Variants in STAG1 observed in about 807,000 individuals in gnomAD.
The protein encoded by STAG1 is STAG1 cohesin complex component, also known as cohesin subunit SA-1.
Under a neutral mutation model 170.9 loss-of-function variants are expected in STAG1, and 26 were observed. The ratio of observed to expected loss-of-function variants is 0.15; its 90% CI spans 0.11 to 0.21. The LOEUF is 0.21. Among genes scored for constraint, STAG1 ranks in the 10% least tolerant of loss-of-function variants. STAG1 has a pLI of 1.00. For synonymous variants in STAG1, 514 were observed against 497.7 expected, an observed-to-expected ratio of 1.03 and a Z score of -0.44; for missense variants, 964 against 1,509.5, an observed-to-expected ratio of 0.64 and a Z score of 5.99.
chr3:136,610,647 T>A (rs1175296500), intron 3 of STAG1, among the ~76,000 whole-genome samples: 1 of 151,532 alleles, frequency 6.6e-6, no homozygotes, highest in African/African-American at 2.4e-5. Context: ...AATTACAAAC[T>A]TTTTTTTTAG....
chr3:136,350,530 G>A (rs77541628), intron 28 of STAG1, among the ~76,000 whole-genome samples: 2 of 152,232 alleles, frequency 1.3e-5, no homozygotes, highest in East Asian at 3.9e-4. Flanking sequence ...ACTCCCTGTC[G>A]AGAGATTCCA....
chr3:136,581,182 T>C (rs1331166004), intron 4 of STAG1, among the ~76,000 whole-genome samples: 5 of 152,236 alleles, frequency 3.3e-5, no homozygotes, highest in Non-Finnish European at 7.3e-5. Flanking sequence ...GTTATGTTAT[T>C]GATACACTTA....
intron 2 of STAG1, among the ~76,000 whole-genome samples, chr3:136,625,114 A>G (rs1940038713): frequency 1.3e-5 from 2 of 152,246 alleles, no homozygotes; most frequent in African/African-American, 4.8e-5. Flanking sequence ...TTTAGACAGC[A>G]TGAACAAGAA....
At chr3:136,562,230 A>T (rs879350574) in intron 5 of STAG1, among the ~76,000 whole-genome samples, 5 of 152,008 alleles carry the variant, frequency 3.3e-5, no homozygotes, top group Non-Finnish European at 7.4e-5. Flanking sequence ...ACATTTCTTC[A>T]GTCTACTTTA....
chr3:136,436,147 G>T (rs575070818), intron 15 of STAG1, among the ~76,000 whole-genome samples: 2 of 152,110 alleles, frequency 1.3e-5, no homozygotes, highest in South Asian at 4.1e-4. Context: ...GGAGAGTCGG[G>T]GTTTCACCAT....
At chr3:136,564,677 T>C (rs542112216) in intron 5 of STAG1, among the ~76,000 whole-genome samples, 39 of 152,036 alleles carry the variant, frequency 2.6e-4, no homozygotes, top group Non-Finnish European at 4.7e-4. Context: ...ACCCATTTTG[T>C]CAAATGTCTT....
At chr3:136,710,018 G>C (rs563841472) in intron 1 of STAG1, among the ~76,000 whole-genome samples, 4 of 152,288 alleles carry the variant, frequency 2.6e-5, no homozygotes, top group East Asian at 1.9e-4. Flanking sequence ...CTGGGCAACA[G>C]AGTGAGACCC....
rs67810422 is a variant in STAG1, at chr3:136,633,962, T to TAAAAAAAAAAAAAAA, written c.-83-2996_-83-2982dup. ...AACATGGTGAAACCCTGTCTCTACTTAAAAAAAAAAAAAAAAAAAAAAAAA... is the reference window on the plus strand; with the variant it reads ...AACATGGTGAAACCCTGTCTCTACTTAAAAAAAAAAAAAAAAAAAAAAAAAAAAAAAAAAAAAAAA... On this transcript the variant is annotated intron_variant, in intron 1 of 33. Transcript: ENST00000383202. Among the ~76,000 whole-genome samples the TAAAAAAAAAAAAAAA allele has an allele frequency of 8.7e-4, 44 of 50,356 alleles. 6 individuals are homozygous for TAAAAAAAAAAAAAAA. The highest frequency in any genetic ancestry group is 2.6e-3 in the South Asian group (2 of 778). The allele number at this position is 50,356 out of a possible 152,430, so 33.0% of individuals were successfully genotyped here. A position where few individuals can be genotyped will look rare whatever the true frequency, so the allele number is the denominator to read the frequency against.
At chr3:136,561,219 T>C (rs879498644) in intron 5 of STAG1, among the ~76,000 whole-genome samples, 1 of 152,226 alleles carries the variant, frequency 6.6e-6, no homozygotes, top group Non-Finnish European at 1.5e-5. Context: ...TGTGTCTCCA[T>C]CTTACAAATT....
At chr3:136,623,103 C>T (rs538261120) in intron 3 of STAG1, 43 bp downstream of exon 3, 57 of 1,515,152 alleles carry the variant, frequency 3.8e-5, no homozygotes, top group African/African-American at 2.5e-4. Flanking sequence ...CTCATTAACA[C>T]GGTCACTATT....
At chr3:136,359,752 G>A (rs764685551) in intron 26 of STAG1, among the ~76,000 whole-genome samples, 2 of 152,112 alleles carry the variant, frequency 1.3e-5, no homozygotes, top group African/African-American at 2.4e-5. Flanking sequence ...CAAGTGATCC[G>A]CCTGCCCTGG....
intron 1 of STAG1, among the ~76,000 whole-genome samples, chr3:136,707,625 C>T (rs1943263562): frequency 6.6e-6 from 1 of 152,132 alleles, no homozygotes; most frequent in Non-Finnish European, 1.5e-5. Flanking sequence ...AGGGCATGGC[C>T]CTAGCTTCTG....
intron 5 of STAG1, among the ~76,000 whole-genome samples, chr3:136,557,962 T>C (rs1330356104): frequency 1.3e-5 from 2 of 152,116 alleles, no homozygotes; most frequent in Non-Finnish European, 2.9e-5. Context: ...GTGCTAGAGA[T>C]ACAAAGAGAA....
At chr3:136,665,068 T>G (rs939070089) in intron 1 of STAG1, among the ~76,000 whole-genome samples, 6 of 152,192 alleles carry the variant, frequency 3.9e-5, no homozygotes, top group African/African-American at 1.4e-4. Flanking sequence ...TCTTCTCCCT[T>G]TTTGAACCAG....
intron 1 of STAG1, among the ~76,000 whole-genome samples, chr3:136,691,575 C>T (rs544635990): frequency 6.6e-6 from 1 of 152,270 alleles, no homozygotes; most frequent in East Asian, 1.9e-4. Flanking sequence ...CCAGTAGTAG[C>T]TGGTGTGTCT....
chr3:136,347,074 G>A (rs1936251360), intron 29 of STAG1, among the ~76,000 whole-genome samples: 1 of 144,278 alleles, frequency 6.9e-6, no homozygotes, highest in South Asian at 2.2e-4. Context: ...GTGAGACCCT[G>A]TCTCATTAAA....
At chr3:136,466,687 A>G (rs2089471242) in intron 12 of STAG1, among the ~76,000 whole-genome samples, 1 of 152,194 alleles carries the variant, frequency 6.6e-6, no homozygotes, top group African/African-American at 2.4e-5. Flanking sequence ...GAGCAACTCC[A>G]AGACACATAA....
intron 14 of STAG1, among the ~76,000 whole-genome samples, chr3:136,444,415 T>C (rs1444362187): frequency 6.6e-6 from 1 of 152,186 alleles, no homozygotes; most frequent in Non-Finnish European, 1.5e-5. Context: ...GGAAGGCAAG[T>C]ACAGAAGGTG....
At position 136,688,196 on chromosome 3, in the gene STAG1, G is replaced by C. The variant is rs963333273; in HGVS notation, c.-83-57215C>G. Among the ~76,000 whole-genome samples the C allele has an allele frequency of 6.6e-5, 10 of 152,118 alleles. 1 individual carries two copies. Among genetic ancestry groups the C allele is most frequent in the Non-Finnish European group, 1.2e-4 (8 of 68,020 alleles). On this transcript the variant is annotated intron_variant, in intron 1 of 33. Coordinates refer to ENST00000383202, the MANE Select transcript of STAG1 (RefSeq NM_005862.3). ...CTTTTTAAAATGAAATGTGGATCCA[G>C]GAGTCAATACCTTTCAGCATGTCGA...
Sources: gnomAD v4.1 joint callset for allele counts (sites outside exome capture counted in the v4.1 genomes callset) on GRCh38, gnomAD v4.1.1 for gene constraint, MANE v1.5 for transcripts, NCBI Gene and HGNC (gene_info 2026-07-23, HGNC 2026-07-21) for gene names.